TOP6BL: variants seen among roughly 807,000 people sequenced by gnomAD.
The protein encoded by TOP6BL is type 2 DNA topoisomerase 6 subunit B-like.
chr11:66,772,914 A>G, the TOP6BL span, among the ~76,000 whole-genome samples: 556 of 152,344 alleles, frequency 3.6e-3, 5 homozygotes, highest in African/African-American at 0.012. Context: ...AATTGCCTAG[A>G]AGAGTTTGTA....
At chr11:66,790,955 G>C in the TOP6BL span, among the ~76,000 whole-genome samples, 1 of 152,140 alleles carries the variant, frequency 6.6e-6, no homozygotes, top group South Asian at 2.1e-4. Flanking sequence ...ATAGTCAAAC[G>C]GCATTAGCCT....
chr11:66,763,077 A>C, the TOP6BL span, among the ~76,000 whole-genome samples: 262 of 152,254 alleles, frequency 1.7e-3, 2 homozygotes, highest in Middle Eastern at 6.8e-3. Flanking sequence ...GGTGGGGCAT[A>C]CCTGTAGTCC....
chr11:66,803,893 G>A, the TOP6BL span: 1 of 883,866 alleles, frequency 1.1e-6, no homozygotes, highest in East Asian at 2.5e-5. Flanking sequence ...AGGTTGTGTG[G>A]TTGTACATAT....
the TOP6BL span, among the ~76,000 whole-genome samples, chr11:66,769,029 C>G: frequency 6.6e-6 from 1 of 152,166 alleles, no homozygotes; most frequent in African/African-American, 2.4e-5. Flanking sequence ...TGGGCACTTA[C>G]TGTTCCAACT....
At chr11:66,771,175 T>TC in the TOP6BL span, 1 of 151,652 alleles carries the variant, frequency 6.6e-6, no homozygotes, top group East Asian at 1.9e-4. Context: ...TTTTCTTTTT[T>TC]TTTTTTTAGA....
At chr11:66,795,514 T>G in the TOP6BL span, among the ~76,000 whole-genome samples, 1 of 151,772 alleles carries the variant, frequency 6.6e-6, no homozygotes, top group Non-Finnish European at 1.5e-5. Context: ...TTTGGCCAGG[T>G]TGGTCTCGAA....
At chr11:66,809,375 T>C in the TOP6BL span, among the ~76,000 whole-genome samples, 1 of 152,202 alleles carries the variant, frequency 6.6e-6, no homozygotes, top group Admixed American at 6.5e-5. Flanking sequence ...ACCTAGAATT[T>C]CATATCCAAT....
the TOP6BL span, among the ~76,000 whole-genome samples, chr11:66,811,947 A>G: frequency 7.9e-5 from 12 of 152,302 alleles, no homozygotes; most frequent in African/African-American, 2.9e-4. Context: ...TGTGTCTTAT[A>G]AAAGGGTGGG....
At chr11:66,790,282 A>T in the TOP6BL span, among the ~76,000 whole-genome samples, 6 of 152,030 alleles carry the variant, frequency 3.9e-5, no homozygotes, top group Non-Finnish European at 2.9e-5. Flanking sequence ...AAAAAAAAAG[A>T]TATGTTACTT....
the TOP6BL span, among the ~76,000 whole-genome samples, chr11:66,814,483 G>A: frequency 6.6e-6 from 1 of 152,006 alleles, no homozygotes; most frequent in Non-Finnish European, 1.5e-5. Flanking sequence ...GGCTGGTCTT[G>A]AACTCCTGAC....
the TOP6BL span, chr11:66,804,274 A>C: frequency 9.6e-7 from 1 of 1,043,926 alleles, no homozygotes. Flanking sequence ...TTAGTATGTG[A>C]ATTCTGCATC....
chr11:66,768,631 G>A, the TOP6BL span, among the ~76,000 whole-genome samples: 2 of 151,110 alleles, frequency 1.3e-5, no homozygotes, highest in Middle Eastern at 3.4e-3. Flanking sequence ...AAGGTTGGCT[G>A]AAGATCAAGA....
the TOP6BL span, chr11:66,759,067 G>A: frequency 1.3e-6 from 2 of 1,567,526 alleles, no homozygotes; most frequent in Non-Finnish European, 1.7e-6. Context: ...AGCCTTTTTG[G>A]TGGCATGGTC....
the TOP6BL span, among the ~76,000 whole-genome samples, chr11:66,791,254 A>AT: frequency 6.6e-6 from 1 of 152,106 alleles, no homozygotes; most frequent in Non-Finnish European, 1.5e-5. Flanking sequence ...TTTAGGAGAG[A>AT]TATTGGGTTT....
chr11:66,821,948 T>C, the TOP6BL span, among the ~76,000 whole-genome samples: 1 of 152,230 alleles, frequency 6.6e-6, no homozygotes, highest in South Asian at 2.1e-4. Context: ...GATGGATCAC[T>C]GTAACCAGCT....
At chr11:66,838,282 A>C in the TOP6BL span, 6 of 1,183,500 alleles carry the variant, frequency 5.1e-6, no homozygotes, top group South Asian at 5.0e-5. Context: ...TTGTGAGGTC[A>C]GTGAAGCCAC....
At chr11:66,761,680 C>T in the TOP6BL span, 1 of 972,266 alleles carries the variant, frequency 1.0e-6, no homozygotes, top group Non-Finnish European at 1.6e-6. Context: ...AAATGTTGTC[C>T]ACCCCTTGGT....
chr11:66,755,319 CTA>C, the TOP6BL span, among the ~76,000 whole-genome samples: 2 of 152,074 alleles, frequency 1.3e-5, no homozygotes, highest in Non-Finnish European at 2.9e-5. Flanking sequence ...CGGGGTTTCA[CTA>C]TGTTGGCCAG....
the TOP6BL span, among the ~76,000 whole-genome samples, chr11:66,803,160 T>G: frequency 1.1e-4 from 16 of 152,356 alleles, no homozygotes; most frequent in Admixed American, 9.2e-4. Flanking sequence ...AGCAGACTTA[T>G]AAGTATCATG....
Sources: allele counts gnomAD v4.1 joint callset (sites outside exome capture counted in the v4.1 genomes callset), GRCh38; gene constraint gnomAD v4.1.1; transcripts MANE v1.5; gene names NCBI Gene and HGNC (gene_info 2026-07-23, HGNC 2026-07-21).